Variants in OLFM3 observed in about 807,000 individuals in gnomAD.
The protein encoded by OLFM3 is olfactomedin 3, also known as noelin-3.
OLFM3 carries 20 observed loss-of-function variants against 48.6 expected under a neutral mutation model. The observed-to-expected ratio is 0.41, with a 90% CI of 0.29 to 0.60. OLFM3 has a LOEUF of 0.60. Ranked by LOEUF, OLFM3 falls within the 20% of genes least tolerant of loss-of-function variation. The probability of loss-of-function intolerance (pLI) is 0.28; values close to 1 mark genes in which losing one functional copy is unlikely to be tolerated. For missense variants in OLFM3, 437 were observed against 544.3 expected, an observed-to-expected ratio of 0.80 and a Z score of 1.96; for synonymous variants, 222 against 198.1, an observed-to-expected ratio of 1.12 and a Z score of -1.01.
intron 4 of OLFM3, among the ~76,000 whole-genome samples, chr1:101,818,451 C>G (rs150089035): frequency 0.023 from 3,484 of 152,022 alleles, 75 homozygotes; most frequent in Non-Finnish European, 0.029. Flanking sequence ...ATTTTACAAC[C>G]TAGAATTTTG....
intron 1 of OLFM3, among the ~76,000 whole-genome samples, chr1:101,848,851 A>G (rs1656116464): frequency 2.0e-5 from 3 of 152,186 alleles, no homozygotes; most frequent in Non-Finnish European, 4.4e-5. Context: ...TTACTAGATA[A>G]TTTAAGAAAT....
chr1:101,926,029 C>T (rs1297047830), intron 1 of OLFM3, among the ~76,000 whole-genome samples: 1 of 152,058 alleles, frequency 6.6e-6, no homozygotes, highest in Non-Finnish European at 1.5e-5. Context: ...ATGGGATAAT[C>T]AAGGAAAGTG....
intron 1 of OLFM3, among the ~76,000 whole-genome samples, chr1:101,875,706 C>T (rs184588294): frequency 6.6e-6 from 1 of 151,994 alleles, no homozygotes. Context: ...CATCAGACCA[C>T]TTGTCTCCAT....
chr1:101,873,316 C>T (rs1015349458), intron 1 of OLFM3, among the ~76,000 whole-genome samples: 1 of 151,868 alleles, frequency 6.6e-6, no homozygotes, highest in African/African-American at 2.4e-5. Context: ...AATGATTTAA[C>T]ATTGTATTCT....
rs373543673 is a variant in OLFM3, at chr1:101,815,174, TA to T, written c.593-8993del. On this transcript the variant is annotated intron_variant, in intron 4 of 5. Transcript: ENST00000370103. ...TATTAATTGTAGAGTGGATAGAGTG[TA>T]AACAGTCTCATTAAAAGGTTATCAG... is the stretch of plus-strand genomic sequence containing the variant. Among the ~76,000 whole-genome samples the T allele has an allele frequency of 4.2e-3, 639 of 152,300 alleles. 3 individuals are homozygous for T. The highest frequency in any genetic ancestry group is 0.02 in the Middle Eastern group (6 of 294).
rs149167273 is a variant in OLFM3, at chr1:101,816,890, G to T, written c.592+8136C>A. ...AGCTCTCGATGTTGATTTCTTCTTAGTAGATGCTTCCCTTACAAATGGTTA... is the reference window on the plus strand; with the variant it reads ...AGCTCTCGATGTTGATTTCTTCTTATTAGATGCTTCCCTTACAAATGGTTA... On this transcript the variant is annotated intron_variant, in intron 4 of 5. Coordinates refer to ENST00000370103, the MANE Select transcript of OLFM3 (RefSeq NM_058170.4). Among the ~76,000 whole-genome samples, 578 of 152,252 alleles carry T rather than the reference G, an allele frequency of 3.8e-3. 3 individuals are homozygous for T. Among genetic ancestry groups the T allele is most frequent in the African/African-American group, 0.013 (551 of 41,554 alleles).
At chr1:101,921,054 T>A (rs1467909980) in intron 1 of OLFM3, among the ~76,000 whole-genome samples, 1 of 152,176 alleles carries the variant, frequency 6.6e-6, no homozygotes, top group Non-Finnish European at 1.5e-5. Context: ...TGACTACTTT[T>A]CCTATTTCAC....
intron 1 of OLFM3, among the ~76,000 whole-genome samples, chr1:101,876,609 G>T (rs558662061): frequency 6.6e-5 from 10 of 151,898 alleles, no homozygotes; most frequent in Non-Finnish European, 1.3e-4. Flanking sequence ...ATAAACAATA[G>T]ATTTGTAAAC....
intron 1 of OLFM3, among the ~76,000 whole-genome samples, chr1:101,949,213 C>T (rs1272234253): frequency 6.6e-6 from 1 of 152,048 alleles, no homozygotes; most frequent in Non-Finnish European, 1.5e-5. Context: ...TTTATGTTCC[C>T]TCCCTACCTC....
rs377666368 is a variant in OLFM3, at chr1:101,804,538, C to T, written c.1077G>A (p.Leu359=). ...IVISQLNQDT[L]EVMKSWSTGY... is the part of the protein sequence containing the mutation. Reference sequence around the variant, plus strand: ...CAGTGCTCCAGCTCTTCATCACCTCCAAGGTATCTTGGTTAAGTTGGCTGA... The same window carrying T: ...CAGTGCTCCAGCTCTTCATCACCTCTAAGGTATCTTGGTTAAGTTGGCTGA... The change falls in exon 6 of 6, where the codon TTG becomes TTA. Residue 359 remains leucine (L), a synonymous_variant. Transcript: ENST00000370103. The surrounding 1 kb of genome is among the most constrained non-coding windows in gnomAD (Gnocchi z 4.5). The T allele has an allele frequency of 4.3e-6, 7 of 1,612,672 alleles. No homozygotes were observed. The highest frequency in any genetic ancestry group is 5.9e-6 in the Non-Finnish European group (7 of 1,179,178).
chr1:101,969,738 T>C (rs1483145577), intron 1 of OLFM3, among the ~76,000 whole-genome samples: 1 of 152,160 alleles, frequency 6.6e-6, no homozygotes, highest in Non-Finnish European at 1.5e-5. Flanking sequence ...TTGGGCTTTT[T>C]TTCCCCCGTC....
At chr1:101,832,091 C>T (rs1272932220) in intron 2 of OLFM3, among the ~76,000 whole-genome samples, 2 of 152,064 alleles carry the variant, frequency 1.3e-5, no homozygotes, top group Admixed American at 1.3e-4. Flanking sequence ...TTATTAGAGT[C>T]GGAGTTTCAT....
At chr1:101,843,017 G>T (rs1655804825) in intron 1 of OLFM3, among the ~76,000 whole-genome samples, 1 of 152,056 alleles carries the variant, frequency 6.6e-6, no homozygotes, top group South Asian at 2.1e-4. Flanking sequence ...ACAGAATTTG[G>T]GGGGAAAAAC....
At chr1:101,849,346 G>A (rs1254033537) in intron 1 of OLFM3, among the ~76,000 whole-genome samples, 1 of 152,218 alleles carries the variant, frequency 6.6e-6, no homozygotes, top group South Asian at 2.1e-4. Flanking sequence ...GTAGCGGACT[G>A]TGTTTAGGGC....
chr1:101,851,176 C>A (rs1656208597), intron 1 of OLFM3, among the ~76,000 whole-genome samples: 1 of 152,100 alleles, frequency 6.6e-6, no homozygotes, highest in Non-Finnish European at 1.5e-5. Context: ...ACATAAACCG[C>A]TCTCCACCCT....
chr1:101,844,089 T>C (rs1655867483), intron 1 of OLFM3, among the ~76,000 whole-genome samples: 1 of 152,082 alleles, frequency 6.6e-6, no homozygotes, highest in Admixed American at 6.6e-5. Context: ...TTGCTGGCCC[T>C]CCACATGGAA....
intron 1 of OLFM3, among the ~76,000 whole-genome samples, chr1:101,951,735 T>A (rs1660149767): frequency 6.6e-6 from 1 of 152,140 alleles, no homozygotes; most frequent in Non-Finnish European, 1.5e-5. Flanking sequence ...CTATAAAGGT[T>A]TCATTCAGAA....
chr1:101,922,390 C>T lies in OLFM3; in HGVS notation c.69+74358G>A, dbSNP rs115918015. Among the ~76,000 whole-genome samples, 935 of 152,140 alleles carry T rather than the reference C, an allele frequency of 6.1e-3. 11 individuals are homozygous for T. Among genetic ancestry groups the T allele is most frequent in the African/African-American group, 0.022 (893 of 41,508 alleles). On this transcript the variant is annotated intron_variant, in intron 1 of 5. Coordinates refer to ENST00000370103, the MANE Select transcript of OLFM3 (RefSeq NM_058170.4). The stretch of plus-strand genomic sequence containing the variant: ...TGACTCCAACCTGTGCTTTGAACAC[C>T]GTACATACAGGCCCATACATACAGC...
chr1:101,937,604 T>G (rs557991302), intron 1 of OLFM3, among the ~76,000 whole-genome samples: 3 of 152,270 alleles, frequency 2.0e-5, no homozygotes, highest in East Asian at 3.9e-4. Context: ...AAGACGTGAC[T>G]TGCTCCTCCT....
Sources: gnomAD v4.1 joint callset for allele counts (sites outside exome capture counted in the v4.1 genomes callset) on GRCh38, gnomAD v4.1.1 for gene constraint, Gnocchi (gnomAD v3.1) non-coding constraint, MANE v1.5 for transcripts, NCBI Gene and HGNC (gene_info 2026-07-23, HGNC 2026-07-21) for gene names.